Variants in VSIG1 observed in about 807,000 individuals in gnomAD.
VSIG1 encodes V-set and immunoglobulin domain containing 1, also known as V-set and immunoglobulin domain-containing protein 1.
In VSIG1, 11 loss-of-function variants were observed where a neutral mutation model predicts 20.1. That is an observed-to-expected ratio of 0.55 (90% CI 0.34 to 0.91). The LOEUF (loss-of-function observed/expected upper bound fraction) is 0.91. Ranked by LOEUF, VSIG1 falls within the 40% of genes least tolerant of loss-of-function variation. The pLI is 0.02. For missense variants in VSIG1, 283 were observed against 298.8 expected (o/e 0.95, Z 0.39); for synonymous variants, 126 against 116.7 (o/e 1.08, Z -0.52).
At chrX:108,037,681 C>A in the VSIG1 span, among the ~76,000 whole-genome samples, 34 of 112,393 alleles carry the variant, frequency 3.0e-4, no homozygotes, top group Non-Finnish European at 5.6e-5. Flanking sequence ...AAAAAATACT[C>A]CAAATGGATT....
the VSIG1 span, among the ~76,000 whole-genome samples, chrX:108,025,899 C>G: frequency 8.9e-6 from 1 of 111,971 alleles, no homozygotes; most frequent in South Asian, 3.7e-4. Context: ...CAAATCCTTG[C>G]GATAAAGGAA....
the VSIG1 span, among the ~76,000 whole-genome samples, chrX:108,031,786 G>A: frequency 3.6e-5 from 4 of 112,127 alleles, no homozygotes; most frequent in African/African-American, 1.3e-4. Flanking sequence ...ATCTTTTAAA[G>A]TATGTCATCA....
At chrX:108,072,650 T>A in intron 3 of VSIG1, 27 bp from the exon 4 acceptor site, 2 of 1,194,181 alleles carry the variant, frequency 1.7e-6, no homozygotes, top group Non-Finnish European at 2.3e-6. Context: ...TCCTAAAGAA[T>A]TTTTATTCTT....
intron 1 of VSIG1, among the ~76,000 whole-genome samples, chrX:108,049,122 T>A (rs1051249464): frequency 8.9e-6 from 1 of 112,391 alleles, no homozygotes; most frequent in African/African-American, 3.2e-5. Context: ...CTTTGCCAAC[T>A]GTTACTTATT....
chrX:108,063,045 C>T (rs775093235), intron 2 of VSIG1, among the ~76,000 whole-genome samples: 11 of 112,319 alleles, frequency 9.8e-5, no homozygotes, highest in Non-Finnish European at 1.7e-4. Flanking sequence ...CCCAGCTGCA[C>T]GGCCTTGTGT....
chrX:108,050,272 G>A (rs962500414), intron 1 of VSIG1, among the ~76,000 whole-genome samples: 1 of 112,116 alleles, frequency 8.9e-6, no homozygotes, highest in African/African-American at 3.2e-5. Flanking sequence ...CTTTGGGTAT[G>A]CAAAATTGGG....
At chrX:108,067,624 A>C (rs2031158965) in intron 3 of VSIG1, among the ~76,000 whole-genome samples, 1 of 112,599 alleles carries the variant, frequency 8.9e-6, no homozygotes, top group African/African-American at 3.2e-5. Flanking sequence ...TGGAAAAAGG[A>C]CTGAAATTAA....
chrX:108,033,077 C>T, the VSIG1 span, among the ~76,000 whole-genome samples: 1 of 111,447 alleles, frequency 9.0e-6, no homozygotes, highest in African/African-American at 3.3e-5. Flanking sequence ...TGGAAATTGG[C>T]CAAGTTGTTT....
chrX:108,051,384 T>C, intron 1 of VSIG1, among the ~76,000 whole-genome samples: 1 of 111,808 alleles, frequency 8.9e-6, no homozygotes, highest in South Asian at 3.8e-4. Flanking sequence ...CTTCAGGCGA[T>C]ATGATCTGGG....
At chrX:108,068,392 AT>A (rs1411206297) in intron 3 of VSIG1, among the ~76,000 whole-genome samples, 1 of 111,969 alleles carries the variant, frequency 8.9e-6, no homozygotes, top group African/African-American at 3.3e-5. Context: ...CTATTCTTGC[AT>A]TGCTGTAAAG....
intron 1 of VSIG1, among the ~76,000 whole-genome samples, chrX:108,046,573 G>A (rs1284211449): frequency 9.3e-6 from 1 of 107,616 alleles, no homozygotes; most frequent in Non-Finnish European, 1.9e-5. Flanking sequence ...TTTTTTAACT[G>A]TACCTAACAT....
chrX:108,022,686 T>C, the VSIG1 span, among the ~76,000 whole-genome samples: 2 of 112,104 alleles, frequency 1.8e-5, no homozygotes, highest in African/African-American at 3.2e-5. Flanking sequence ...GGGGTTTTCA[T>C]AGATGCCTGA....
the VSIG1 span, among the ~76,000 whole-genome samples, chrX:108,037,212 T>C: frequency 8.9e-6 from 1 of 112,558 alleles, no homozygotes; most frequent in Non-Finnish European, 1.9e-5. Context: ...ACCTTTCATA[T>C]GTAATTCAGA....
the VSIG1 span, among the ~76,000 whole-genome samples, chrX:108,022,405 G>A: frequency 1.8e-5 from 2 of 111,470 alleles, no homozygotes; most frequent in African/African-American, 6.5e-5. Flanking sequence ...CTTATATCCC[G>A]CAACTTCACT....
At chrX:108,032,348 A>G in the VSIG1 span, among the ~76,000 whole-genome samples, 7 of 112,043 alleles carry the variant, frequency 6.2e-5, no homozygotes, top group Non-Finnish European at 1.3e-4. Flanking sequence ...CCACCCATCC[A>G]TTTATTCAGT....
Position 108,077,494 on chromosome X carries a change from A to G in VSIG1, c.*113A>G. 1.1e-6 allele frequency: 1 copy of G among 892,672 alleles called. No homozygotes were observed. The highest frequency in any genetic ancestry group is 1.6e-6 in the Non-Finnish European group (1 of 639,634). 73.6% of individuals were successfully genotyped at this position (892,672 alleles called of 1,213,427 possible). A position where few individuals can be genotyped will look rare whatever the true frequency, so the allele number is the denominator to read the frequency against. On this transcript the variant is annotated 3_prime_UTR_variant, in exon 7 of 7. Transcript: ENST00000217957. ...CTTCCATTTTGACCAACCTTCTTCTAACAAGGTGCTCATTCCTACTATGAA... is the reference window on the plus strand; with the variant it reads ...CTTCCATTTTGACCAACCTTCTTCTGACAAGGTGCTCATTCCTACTATGAA...
At chrX:108,045,286 G>A in intron 1 of VSIG1, 107 bp downstream of exon 1, 2 of 616,332 alleles carry the variant, frequency 3.2e-6, no homozygotes, top group South Asian at 4.4e-5. Flanking sequence ...TACTTCAAAT[G>A]AATTGTGATT....
At chrX:108,054,520 C>CT (rs1478839429) in intron 1 of VSIG1, among the ~76,000 whole-genome samples, 2 of 110,863 alleles carry the variant, frequency 1.8e-5, no homozygotes, top group Non-Finnish European at 3.8e-5. Context: ...GCAGAACACA[C>CT]TTTTTTTTGG....
chrX:108,067,596 T>A (rs1396267560), intron 3 of VSIG1, among the ~76,000 whole-genome samples: 8 of 112,571 alleles, frequency 7.1e-5, no homozygotes, highest in Non-Finnish European at 9.4e-5. Flanking sequence ...GTCCCTTTTT[T>A]AAAATGCTAA....
Sources: allele counts gnomAD v4.1 joint callset (sites outside exome capture counted in the v4.1 genomes callset), GRCh38; gene constraint gnomAD v4.1.1; transcripts MANE v1.5; gene names NCBI Gene and HGNC (gene_info 2026-07-23, HGNC 2026-07-21).